The following ZNF839 variants were observed in gnomAD, a reference collection of about 807,000 sequenced individuals.
ZNF839 encodes the protein zinc finger protein 839, also known as renal carcinoma antigen NY-REN-50.
ZNF839 carries 38 observed loss-of-function variants against 56.4 expected under a neutral mutation model. The observed-to-expected ratio is 0.67, with a 90% CI of 0.52 to 0.88. ZNF839 has a LOEUF of 0.88. Ranked by LOEUF, ZNF839 falls within the 40% of genes least tolerant of loss-of-function variation. The pLI, the probability that ZNF839 is intolerant of heterozygous loss-of-function variation, is 0.00. For synonymous variants in ZNF839, 486 were observed against 493.5 expected, an observed-to-expected ratio of 0.98 and a Z score of 0.20; for missense variants, 1,091 against 1,177.6, an observed-to-expected ratio of 0.93 and a Z score of 1.08.
intron 4 of ZNF839, 73 bp from the exon 5 acceptor site, chr14:102,335,616 T>A (rs1454579316): frequency 1.4e-5 from 21 of 1,467,336 alleles, no homozygotes; most frequent in Non-Finnish European, 1.9e-5. Flanking sequence ...AAACTTTGTT[T>A]AGATTTTCTT....
At chr14:102,323,549 T>G (rs553002033) in intron 1 of ZNF839, among the ~76,000 whole-genome samples, 5 of 152,308 alleles carry the variant, frequency 3.3e-5, no homozygotes, top group African/African-American at 9.6e-5. Context: ...AGTTCTCCCC[T>G]TTGGTAGGTG....
chr14:102,339,371 C>A, intron 7 of ZNF839, 148 bp downstream of exon 7: 1 of 1,143,428 alleles, frequency 8.7e-7, no homozygotes, highest in Non-Finnish European at 1.2e-6. Context: ...TTCATTCCAG[C>A]CTCCCAGTGT....
In ZNF839 at chr14:102,331,841, A is replaced by G. The variant is rs749386189; in HGVS notation, c.1411A>G (p.Lys471Glu). 7 of 1,560,388 alleles carry G rather than the reference A, an allele frequency of 4.5e-6. No homozygotes were observed. The highest frequency in any genetic ancestry group is 6.1e-6 in the Non-Finnish European group (7 of 1,157,008). ...GGCGTCGCCAAGCAAAGCCAGGCTC[A>G]AGGAGGTACCTCACTCTTAAACCCT... ...QRASPSKARL[K>E]EFLQQCDRED... is the part of the protein sequence containing the mutation. The change falls in exon 3 of 8, where the codon AAG (lysine) becomes GAG (glutamate). Residue 471 changes from lysine (K) to glutamate (E), a missense_variant. Coordinates refer to ENST00000442396, the MANE Select transcript of ZNF839 (RefSeq NM_018335.6).
chr14:102,330,494 A>G (rs1197242228), intron 2 of ZNF839, among the ~76,000 whole-genome samples: 1 of 150,774 alleles, frequency 6.6e-6, no homozygotes, highest in Non-Finnish European at 1.5e-5. Flanking sequence ...TCAGTCCCCG[A>G]AAGTGCTGGC....
At chr14:102,333,447 G>C (rs1442147774) in intron 3 of ZNF839, among the ~76,000 whole-genome samples, 1 of 151,716 alleles carries the variant, frequency 6.6e-6, no homozygotes, top group Admixed American at 6.6e-5. Flanking sequence ...ATTTTTTTTA[G>C]AGACAGGGTC....
At chr14:102,336,192 C>CA (rs200609836) in intron 5 of ZNF839, among the ~76,000 whole-genome samples, 1,380 of 123,318 alleles carry the variant, frequency 0.011, 10 homozygotes, top group East Asian at 0.043. Context: ...AAAACAAAAC[C>CA]AAAAAAAAAA....
chr14:102,341,246 T>C (rs766129981), intron 7 of ZNF839, 77 bp from the exon 8 acceptor site: 12 of 1,427,448 alleles, frequency 8.4e-6, no homozygotes, highest in Non-Finnish European at 1.1e-5. Context: ...TTGGCCTAGC[T>C]GGTTTTGGGT....
rs754080144 is a variant in ZNF839, at chr14:102,326,063, A to T, written c.367A>T (p.Ile123Phe). ...AAGGCCAATGCTCCTACCGACCACAATCCAGCCCCAAACTGCAAGAAAGAG... is the reference window on the plus strand; with the variant it reads ...AAGGCCAATGCTCCTACCGACCACATTCCAGCCCCAAACTGCAAGAAAGAG... ...QERPMLLPTT[I>F]QPQTARKSQL... The change falls in exon 2 of 8, where the codon ATC becomes TTC. Residue 123 changes from isoleucine (I) to phenylalanine (F), a missense_variant. Ile to Phe is a conservative substitution (Grantham distance 21). Around this residue, in one of 3 missense-constraint regions of ZNF839, gnomAD observed 614 missense variants for 629.2 expected, o/e 0.98. Coordinates refer to ENST00000442396, the MANE Select transcript of ZNF839 (RefSeq NM_018335.6). The surrounding 1 kb of genome is among the most constrained non-coding windows in gnomAD (Gnocchi z 4.3). 1 of 1,613,794 alleles carries T rather than the reference A, an allele frequency of 6.2e-7. No homozygotes were observed. The highest frequency in any genetic ancestry group is 1.1e-5 in the South Asian group (1 of 91,050).
intron 3 of ZNF839, 127 bp downstream of exon 3, chr14:102,331,973 C>G: frequency 1.3e-6 from 1 of 761,192 alleles, no homozygotes; most frequent in Non-Finnish European, 2.1e-6. Context: ...GTGATGATGC[C>G]AAGGACAGTA....
At chr14:102,319,700 C>T (rs1280218915), upstream of ZNF839, 9 of 1,220,488 alleles carry the variant, frequency 7.4e-6, no homozygotes, top group South Asian at 4.2e-5. This position sits in a 1 kb window ranked among gnomAD's most constrained non-coding sequence, Gnocchi z 4.5. Flanking sequence ...CGCCCCTCTC[C>T]TAGGTGACGT....
In ZNF839 at chr14:102,326,397, C is replaced by CA; in HGVS notation, c.703dup (p.Arg235LysfsTer4). 1 of 1,612,938 alleles carries CA rather than the reference C, an allele frequency of 6.2e-7. No homozygotes were observed. Among genetic ancestry groups the CA allele is most frequent in the Non-Finnish European group, 8.5e-7 (1 of 1,179,368 alleles). On this transcript the variant is annotated frameshift_variant, in exon 2 of 8. Transcript: ENST00000442396. LOFTEE classifies it high-confidence loss of function. The surrounding 1 kb of genome is among the most constrained non-coding windows in gnomAD (Gnocchi z 4.3). Reference sequence around the variant, plus strand: ...CATCCATTTATTTCCAACTTGCATACAAGACATACTGAGAAACTAAAAAAA... The same window carrying CA: ...CATCCATTTATTTCCAACTTGCATACAAAGACATACTGAGAAACTAAAAAAA...
Position 102,319,869 on chromosome 14 carries a change from C to G in ZNF839, c.104C>G (p.Pro35Arg). The G allele has an allele frequency of 8.0e-7, 1 of 1,250,990 alleles. No homozygotes were observed. 77.5% of individuals were successfully genotyped at this position (1,250,990 alleles called of 1,614,324 possible). A position where few individuals can be genotyped will look rare whatever the true frequency, so the allele number is the denominator to read the frequency against. ...GQSGSVARVA[P>R]LGPEQLRQVL... ...AGCGGCAGCGTCGCACGTGTGGCCC[C>G]GCTGGGCCCCGAGCAGCTGCGGCAG... The change falls in exon 1 of 8, where the codon CCG becomes CGG. Residue 35 changes from proline (P) to arginine (R), a missense_variant. Around this residue, in one of 3 missense-constraint regions of ZNF839, gnomAD observed 614 missense variants for 629.2 expected, o/e 0.98. Coordinates refer to ENST00000442396, the MANE Select transcript of ZNF839 (RefSeq NM_018335.6). The surrounding 1 kb of genome is among the most constrained non-coding windows in gnomAD (Gnocchi z 4.5).
Position 102,337,872 on chromosome 14 carries a change from TTTCACATCTGGTG to T in ZNF839, c.1660-941_1660-929del, listed in dbSNP as rs1333666366. 11 of 152,408 alleles carry T rather than the reference TTTCACATCTGGTG, an allele frequency of 7.2e-5. 1 individual carries two copies. Among genetic ancestry groups the T allele is most frequent in the African/African-American group, 2.2e-4 (9 of 41,598 alleles). 9.4% of individuals were successfully genotyped at this position (152,408 alleles called of 1,614,324 possible). A position where few individuals can be genotyped will look rare whatever the true frequency, so the allele number is the denominator to read the frequency against. On this transcript the variant is annotated intron_variant, in intron 5 of 7. Transcript: ENST00000442396. The stretch of plus-strand genomic sequence containing the variant: ...AATGATACCAGCTGTCTCTTAGCAC[TTTCACATCTGGTG>T]TTTACGTAGGCATTGCATATGGAGT...
In ZNF839 at chr14:102,319,869, C is replaced by A; in HGVS notation, c.104C>A (p.Pro35Gln). ...GQSGSVARVA[P>Q]LGPEQLRQVL... is the part of the protein sequence containing the mutation. ...AGCGGCAGCGTCGCACGTGTGGCCCCGCTGGGCCCCGAGCAGCTGCGGCAG... is the reference window on the plus strand; with the variant it reads ...AGCGGCAGCGTCGCACGTGTGGCCCAGCTGGGCCCCGAGCAGCTGCGGCAG... The change falls in exon 1 of 8, where the codon CCG becomes CAG. Residue 35 changes from proline (P) to glutamine (Q), a missense_variant. By Grantham distance (76) the Pro-to-Gln change is moderately conservative. Coordinates refer to ENST00000442396, the MANE Select transcript of ZNF839 (RefSeq NM_018335.6). This position sits in a 1 kb window ranked among gnomAD's most constrained non-coding sequence, Gnocchi z 4.5. The A allele has an allele frequency of 8.0e-7, 1 of 1,250,990 alleles. No individual in the cohort carries two copies. The highest frequency in any genetic ancestry group is 3.5e-5 in the East Asian group (1 of 28,296). 77.5% of individuals were successfully genotyped at this position (1,250,990 alleles called of 1,614,324 possible). A position where few individuals can be genotyped will look rare whatever the true frequency, so the allele number is the denominator to read the frequency against.
At position 102,319,772 on chromosome 14, in the gene ZNF839, G is replaced by A. The variant is rs1432161437; in HGVS notation, c.7G>A (p.Asp3Asn). MA[D>N]AEPEAGGGSE... ...AGTCCCCGCCTCGGCCGCCATGGCG[G>A]ATGCGGAGCCGGAGGCTGGGGGCGG... Residue 3 changes from aspartate (D) to asparagine (N), a missense_variant, in exon 1 of 8, where the codon GAT (aspartate) becomes AAT (asparagine). Physicochemically the swap from Asp to Asn is conservative, Grantham distance 23. Around this residue, in one of 3 missense-constraint regions of ZNF839, gnomAD observed 614 missense variants for 629.2 expected, o/e 0.98. Transcript: ENST00000442396. This position sits in a 1 kb window ranked among gnomAD's most constrained non-coding sequence, Gnocchi z 4.5. 2.4e-6 allele frequency: 3 copies of A among 1,230,768 alleles called. No homozygotes were observed. The highest frequency in any genetic ancestry group is 3.0e-6 in the Non-Finnish European group (3 of 987,110). 76.2% of individuals were successfully genotyped at this position (1,230,768 alleles called of 1,614,324 possible).
chr14:102,331,240 G>C (rs1290891821), intron 2 of ZNF839, among the ~76,000 whole-genome samples: 1 of 152,168 alleles, frequency 6.6e-6, no homozygotes, highest in African/African-American at 2.4e-5. Flanking sequence ...AGTCACATCA[G>C]AGAAATCTTT....
chr14:102,320,072 C>T lies in ZNF839; in HGVS notation c.288+19C>T. 3 of 1,181,856 alleles carry T rather than the reference C, an allele frequency of 2.5e-6. No homozygotes were observed. Among genetic ancestry groups the T allele is most frequent in the Non-Finnish European group, 3.1e-6 (3 of 956,064 alleles). The allele number at this position is 1,181,856 out of a possible 1,614,324, so 73.2% of individuals were successfully genotyped here. A position where few individuals can be genotyped will look rare whatever the true frequency, so the allele number is the denominator to read the frequency against. On this transcript the variant is annotated intron_variant, in intron 1 of 7. Transcript: ENST00000442396. ...GCCCCAGGTGAGGCGTCGGGAGGGA[C>T]GTGGGGAAACTGAGGCCCGAAGGGG...
intron 1 of ZNF839, among the ~76,000 whole-genome samples, chr14:102,325,181 C>G (rs1477884942): frequency 6.6e-6 from 1 of 151,810 alleles, no homozygotes; most frequent in Admixed American, 6.6e-5. Context: ...CATGGTGAAA[C>G]CCGTCTCTAC....
upstream of ZNF839, chr14:102,319,591 A>T: frequency 1.1e-6 from 1 of 895,470 alleles, no homozygotes; most frequent in East Asian, 3.5e-5. The surrounding 1 kb of genome is among the most constrained non-coding windows in gnomAD (Gnocchi z 4.5). Flanking sequence ...CAGCCCTAAG[A>T]GCCGCGGCGG....
Sources: gnomAD v4.1 joint callset for allele counts (sites outside exome capture counted in the v4.1 genomes callset) on GRCh38, gnomAD v4.1.1 for gene constraint, gnomAD v4.1.1 regional missense constraint, Gnocchi (gnomAD v3.1) non-coding constraint, MANE v1.5 for transcripts, NCBI Gene and HGNC (gene_info 2026-07-23, HGNC 2026-07-21) for gene names.